Variants in SEMA5A observed in about 807,000 individuals in gnomAD.
SEMA5A encodes semaphorin 5A.
In SEMA5A, 55 loss-of-function variants were observed where a neutral mutation model predicts 135.5. The observed-to-expected ratio is 0.41, with a 90% CI of 0.33 to 0.51. The LOEUF (loss-of-function observed/expected upper bound fraction) is 0.51. Ranked by LOEUF, SEMA5A falls within the 20% of genes least tolerant of loss-of-function variation. The pLI is 0.37. For missense variants in SEMA5A, 1,290 were observed against 1,419.9 expected, an observed-to-expected ratio of 0.91 and a Z score of 1.47; for synonymous variants, 580 against 546.5, an observed-to-expected ratio of 1.06 and a Z score of -0.85.
At chr5:9,339,250 G>A (rs937577159) in intron 3 of SEMA5A, among the ~76,000 whole-genome samples, 46 of 152,266 alleles carry the variant, frequency 3.0e-4, no homozygotes, top group African/African-American at 9.9e-4. Flanking sequence ...GGGGCTTGTG[G>A]GGTTACAGGA....
At chr5:9,232,847 A>G (rs1303583339) in intron 6 of SEMA5A, among the ~76,000 whole-genome samples, 2 of 152,234 alleles carry the variant, frequency 1.3e-5, no homozygotes, top group African/African-American at 2.4e-5. Flanking sequence ...CAGGGCTACA[A>G]TGTGTCCCAT....
chr5:9,167,410 G>A (rs1174149552), intron 11 of SEMA5A, among the ~76,000 whole-genome samples: 1 of 152,136 alleles, frequency 6.6e-6, no homozygotes, highest in African/African-American at 2.4e-5. Context: ...TATCAAATCT[G>A]TCCATGCACC....
intron 18 of SEMA5A, among the ~76,000 whole-genome samples, chr5:9,062,636 T>C (rs1304629250): frequency 5.3e-5 from 8 of 152,092 alleles, no homozygotes; most frequent in Admixed American, 1.3e-4. Flanking sequence ...TGGCTAATTT[T>C]TGTATTTTTC....
chr5:9,397,964 G>A (rs1756475861), intron 2 of SEMA5A, among the ~76,000 whole-genome samples: 2 of 152,124 alleles, frequency 1.3e-5, no homozygotes, highest in African/African-American at 4.8e-5. Flanking sequence ...TGTTGATCAC[G>A]ATTCCCTGGA....
intron 3 of SEMA5A, among the ~76,000 whole-genome samples, chr5:9,366,481 C>T (rs1432319880): frequency 2.6e-5 from 4 of 151,984 alleles, no homozygotes; most frequent in East Asian, 1.9e-4. Context: ...CTCTGCCTCC[C>T]GGGTTCACGC....
Position 9,291,327 on chromosome 5 carries a change from C to A in SEMA5A, c.270+27045G>T, listed in dbSNP as rs139078479. Among the ~76,000 whole-genome samples, 25 of 152,280 alleles carry A rather than the reference C, an allele frequency of 1.6e-4. No individual in the cohort carries two copies. The East Asian group carries it at 4.6e-3, about 28-fold the overall frequency. ...TGCATGCAACCTGCTGGTCATCCAT[C>A]CACAACTGGAGTCTATTTCTCTACC... On this transcript the variant is annotated intron_variant, in intron 5 of 22. Transcript: ENST00000382496.
chr5:9,052,911 C>T (rs1448343875), intron 19 of SEMA5A, among the ~76,000 whole-genome samples: 4 of 152,006 alleles, frequency 2.6e-5, no homozygotes, highest in Non-Finnish European at 2.9e-5. Flanking sequence ...TAGAAGCATC[C>T]ACTTTGTAGT....
intron 11 of SEMA5A, among the ~76,000 whole-genome samples, chr5:9,172,973 G>C (rs1744008565): frequency 6.6e-6 from 1 of 152,186 alleles, no homozygotes; most frequent in Non-Finnish European, 1.5e-5. Context: ...ACATAGCTGA[G>C]CTTTCACAGC....
intron 2 of SEMA5A, among the ~76,000 whole-genome samples, chr5:9,432,791 C>G (rs1349089227): frequency 6.6e-6 from 1 of 152,196 alleles, no homozygotes; most frequent in Admixed American, 6.5e-5. Flanking sequence ...CTTTGATACC[C>G]ACCATGTAAC....
intron 1 of SEMA5A, among the ~76,000 whole-genome samples, chr5:9,495,902 T>C (rs1201142899): frequency 6.6e-6 from 1 of 152,202 alleles, no homozygotes; most frequent in African/African-American, 2.4e-5. Flanking sequence ...GAATACTCAT[T>C]GGTTTACTCA....
intron 1 of SEMA5A, among the ~76,000 whole-genome samples, chr5:9,544,329 T>C (rs931840285): frequency 5.3e-5 from 8 of 152,212 alleles, no homozygotes; most frequent in African/African-American, 1.9e-4. Flanking sequence ...CAATTTCGAT[T>C]TCTTTCTGAG....
Position 9,052,019 on chromosome 5 carries a change from G to T in SEMA5A, c.2699C>A (p.Ser900Ter). The T allele has an allele frequency of 6.2e-7, 1 of 1,607,268 alleles. No homozygotes were observed. Among genetic ancestry groups the T allele is most frequent in the South Asian group, 1.1e-5 (1 of 90,236 alleles). The stretch of plus-strand genomic sequence containing the variant: ...ACACTCAGACCAGTCCGACCACTCC[G>T]ACCAGCTCTCTGCAGAGACCAGAAA... ...CNTQPCPESW[S>*]EWSDWSECEA... is the part of the protein sequence containing the mutation. Residue 900 changes from serine to a stop codon, truncating the protein, a stop_gained, in exon 20 of 23, where the codon TCG becomes TAG. Coordinates refer to ENST00000382496, the MANE Select transcript of SEMA5A (RefSeq NM_003966.3). LOFTEE classifies it high-confidence loss of function.
At chr5:9,228,420 C>T (rs901760588) in intron 6 of SEMA5A, among the ~76,000 whole-genome samples, 1 of 152,200 alleles carries the variant, frequency 6.6e-6, no homozygotes, top group Non-Finnish European at 1.5e-5. Flanking sequence ...GCATGGCGCT[C>T]TCATTGTGTA....
chr5:9,086,673 T>A (rs879440067), intron 16 of SEMA5A, among the ~76,000 whole-genome samples: 1 of 152,194 alleles, frequency 6.6e-6, no homozygotes, highest in Admixed American at 6.5e-5. Context: ...TGGAGCAACA[T>A]TAGCCAGGAG....
intron 1 of SEMA5A, among the ~76,000 whole-genome samples, chr5:9,451,626 C>T (rs533917261): frequency 6.6e-6 from 1 of 152,320 alleles, no homozygotes; most frequent in Non-Finnish European, 1.5e-5. Flanking sequence ...ATTGCTATTC[C>T]TTGACCAACT....
At chr5:9,251,106 G>A (rs1447492989) in intron 5 of SEMA5A, among the ~76,000 whole-genome samples, 1 of 152,124 alleles carries the variant, frequency 6.6e-6, no homozygotes, top group Non-Finnish European at 1.5e-5. Context: ...GTGGGTTTCT[G>A]AGAAAAGGAT....
At chr5:9,395,633 C>T (rs930584035) in intron 2 of SEMA5A, among the ~76,000 whole-genome samples, 4 of 152,230 alleles carry the variant, frequency 2.6e-5, no homozygotes, top group Non-Finnish European at 5.9e-5. Flanking sequence ...TCCACTGTGA[C>T]TTGGCCATAC....
At chr5:9,183,784 T>C (rs1744656961) in intron 11 of SEMA5A, among the ~76,000 whole-genome samples, 1 of 152,182 alleles carries the variant, frequency 6.6e-6, no homozygotes, top group South Asian at 2.1e-4. Flanking sequence ...TTTCCTGAGG[T>C]TTTTGTTCTG....
At chr5:9,341,581 A>AT (rs1308025534) in intron 3 of SEMA5A, among the ~76,000 whole-genome samples, 1 of 150,514 alleles carries the variant, frequency 6.6e-6, no homozygotes, top group African/African-American at 2.4e-5. Flanking sequence ...TCCTATCCCT[A>AT]TTTTCTGATA....
Sources: allele counts gnomAD v4.1 joint callset (sites outside exome capture counted in the v4.1 genomes callset), GRCh38; gene constraint gnomAD v4.1.1; transcripts MANE v1.5; gene names NCBI Gene and HGNC (gene_info 2026-07-23, HGNC 2026-07-21).